The following CNTNAP2 variants were observed in gnomAD, a reference collection of about 807,000 sequenced individuals.
The protein encoded by CNTNAP2 is contactin associated protein 2.
CNTNAP2 carries 98 observed loss-of-function variants against 155.2 expected under a neutral mutation model. The ratio of observed to expected loss-of-function variants is 0.63; its 90% confidence interval spans 0.54 to 0.75. The LOEUF is 0.75. Ranked by LOEUF, CNTNAP2 falls within the 30% of genes least tolerant of loss-of-function variation. The pLI, the probability that CNTNAP2 is intolerant of heterozygous loss-of-function variation, is 0.00. For synonymous variants in CNTNAP2, 651 were observed against 631.2 expected, an observed-to-expected ratio of 1.03 and a Z score of -0.47; for missense variants, 1,727 against 1,688.1, an observed-to-expected ratio of 1.02 and a Z score of -0.40.
At chr7:148,232,283 G>A (rs573756307) in intron 20 of CNTNAP2, among the ~76,000 whole-genome samples, 2 of 152,334 alleles carry the variant, frequency 1.3e-5, no homozygotes, top group East Asian at 3.9e-4. Flanking sequence ...TTCATGCAGG[G>A]AGGCCTTGCA....
intron 8 of CNTNAP2, among the ~76,000 whole-genome samples, chr7:147,202,807 G>A (rs1369967027): frequency 2.0e-5 from 3 of 151,510 alleles, no homozygotes; most frequent in Admixed American, 2.0e-4. Context: ...GGGGGTAGGG[G>A]GCTGGGGTAG....
chr7:147,432,825 A>G (rs1208666113), intron 10 of CNTNAP2, among the ~76,000 whole-genome samples: 1 of 152,122 alleles, frequency 6.6e-6, no homozygotes, highest in Admixed American at 6.5e-5. Context: ...GCCTTTCCTA[A>G]ACCCCAAAGC....
intron 1 of CNTNAP2, among the ~76,000 whole-genome samples, chr7:146,535,674 G>C (rs775128095): frequency 6.6e-6 from 1 of 151,112 alleles, no homozygotes; most frequent in Non-Finnish European, 1.5e-5. Flanking sequence ...AGAGTATATC[G>C]TGTGATGCTG....
chr7:147,151,731 T>G (rs1193450831), intron 8 of CNTNAP2, among the ~76,000 whole-genome samples: 2 of 152,192 alleles, frequency 1.3e-5, no homozygotes, highest in Non-Finnish European at 2.9e-5. Context: ...TTATTTAACA[T>G]GTATTTGGCA....
chr7:147,111,441 C>T (rs1584850494), intron 5 of CNTNAP2, among the ~76,000 whole-genome samples: 1 of 152,170 alleles, frequency 6.6e-6, no homozygotes, highest in Non-Finnish European at 1.5e-5. Context: ...AAATCTTTGC[C>T]TGTGCCCATG....
At chr7:148,170,718 C>CTTCACTGGCAAA (rs1280714169) in intron 17 of CNTNAP2, among the ~76,000 whole-genome samples, 1 of 152,212 alleles carries the variant, frequency 6.6e-6, no homozygotes, top group Non-Finnish European at 1.5e-5. Context: ...TCATTTGCCA[C>CTTCACTGGCAAA]TTCACTGATG....
chr7:147,885,796 A>G (rs965416865), intron 13 of CNTNAP2, among the ~76,000 whole-genome samples: 4 of 152,222 alleles, frequency 2.6e-5, no homozygotes, highest in African/African-American at 9.6e-5. Context: ...TACCTGCTAG[A>G]AGCTGGAGTA....
At chr7:146,857,001 G>T (rs912811085) in intron 3 of CNTNAP2, among the ~76,000 whole-genome samples, 1 of 152,090 alleles carries the variant, frequency 6.6e-6, no homozygotes, top group African/African-American at 2.4e-5. Flanking sequence ...ACATAATTGG[G>T]TCAATGGATA....
intron 1 of CNTNAP2, among the ~76,000 whole-genome samples, chr7:146,483,526 A>G (rs1797010945): frequency 6.7e-6 from 1 of 148,520 alleles, no homozygotes; most frequent in South Asian, 2.1e-4. Flanking sequence ...TGTGTGTGTA[A>G]TTTTTTTGGT....
intron 8 of CNTNAP2, among the ~76,000 whole-genome samples, chr7:147,224,317 T>C (rs979124989): frequency 6.6e-6 from 1 of 152,204 alleles, no homozygotes; most frequent in African/African-American, 2.4e-5. Flanking sequence ...TTTTAAATGA[T>C]TGAAAAATCA....
At chr7:146,790,304 A>T (rs770649598) in intron 2 of CNTNAP2, among the ~76,000 whole-genome samples, 4 of 152,192 alleles carry the variant, frequency 2.6e-5, no homozygotes, top group Non-Finnish European at 4.4e-5. Flanking sequence ...TTTAATTCAA[A>T]ATCCTGTATT....
chr7:148,264,463 C>T (rs750874763), intron 20 of CNTNAP2, among the ~76,000 whole-genome samples: 10 of 150,048 alleles, frequency 6.7e-5, no homozygotes, highest in East Asian at 4.0e-4. Flanking sequence ...CGACACAGAG[C>T]GACATTCATA....
At chr7:146,246,816 C>T (rs900418245) in intron 1 of CNTNAP2, among the ~76,000 whole-genome samples, 5 of 152,298 alleles carry the variant, frequency 3.3e-5, no homozygotes, top group African/African-American at 7.2e-5. Context: ...ATTCCTTGGC[C>T]TGGTGGCCAG....
At chr7:146,938,899 GATGA>G (rs1796985589) in intron 3 of CNTNAP2, among the ~76,000 whole-genome samples, 2 of 152,026 alleles carry the variant, frequency 1.3e-5, no homozygotes, top group Non-Finnish European at 2.9e-5. Flanking sequence ...TAACAATCCT[GATGA>G]ATTGAGTGAT....
At chr7:147,982,766 C>T (rs888462029) in intron 15 of CNTNAP2, among the ~76,000 whole-genome samples, 1 of 151,968 alleles carries the variant, frequency 6.6e-6, no homozygotes, top group Non-Finnish European at 1.5e-5. Context: ...ACCTGTAATC[C>T]CAGCACTTTG....
At chr7:148,111,024 C>T (rs538985590) in intron 15 of CNTNAP2, among the ~76,000 whole-genome samples, 33 of 152,252 alleles carry the variant, frequency 2.2e-4, no homozygotes, top group African/African-American at 2.6e-4. Flanking sequence ...TACTGACATT[C>T]GGAGTCCCTT....
At chr7:146,966,217 T>C (rs1007690307) in intron 3 of CNTNAP2, among the ~76,000 whole-genome samples, 1 of 152,216 alleles carries the variant, frequency 6.6e-6, no homozygotes, top group Non-Finnish European at 1.5e-5. Context: ...TGCACAGAGA[T>C]GAACAGGAAG....
chr7:146,163,737 A>G (rs1390488041), intron 1 of CNTNAP2, among the ~76,000 whole-genome samples: 1 of 150,190 alleles, frequency 6.7e-6, no homozygotes, highest in East Asian at 1.9e-4. Flanking sequence ...AAAAAAAAAG[A>G]AAAAAAAAGA....
At chr7:147,495,304 G>T (rs942211245) in intron 11 of CNTNAP2, among the ~76,000 whole-genome samples, 1 of 152,182 alleles carries the variant, frequency 6.6e-6, no homozygotes, top group African/African-American at 2.4e-5. Context: ...ATTTTGAATT[G>T]ATTGTTTAAC....
Sources: gnomAD v4.1 joint callset for allele counts (sites outside exome capture counted in the v4.1 genomes callset) on GRCh38, gnomAD v4.1.1 for gene constraint, MANE v1.5 for transcripts, NCBI Gene and HGNC (gene_info 2026-07-23, HGNC 2026-07-21) for gene names.